The following LRBA variants were observed in gnomAD, a reference collection of about 807,000 sequenced individuals.
The protein encoded by LRBA is LPS responsive beige-like anchor protein, also known as lipopolysaccharide-responsive and beige-like anchor protein.
Under a neutral mutation model 330.0 loss-of-function variants are expected in LRBA, and 176 were observed. The ratio of observed to expected loss-of-function variants is 0.53; its 90% CI spans 0.47 to 0.60. The LOEUF (loss-of-function observed/expected upper bound fraction) is 0.60. LRBA is among the 20% of genes least tolerant of loss of function. LRBA has a pLI of 0.00. For missense variants in LRBA, 3,259 were observed against 3,444.8 expected (o/e 0.95, Z 1.35); for synonymous variants, 1,230 against 1,193.0 (o/e 1.03, Z -0.64).
rs554411521 is a variant in LRBA at position 150,500,284 on chromosome 4, C to T, written c.6331-9249G>A. On this transcript the variant is annotated intron_variant, in intron 40 of 56. Coordinates refer to ENST00000651943, the MANE Select transcript of LRBA (RefSeq NM_001364905.1). ...AAGGTAAAGTTAAAAAAAAAAAAAT[C>T]CCCCCTTGGGCTGGGCGCCGGGGCT... 3.4e-3 allele frequency among the ~76,000 whole-genome samples: 506 copies of T among 150,938 alleles called. 1 individual carries two copies. The highest frequency in any genetic ancestry group is 0.012 in the African/African-American group (482 of 40,944).
At chr4:150,853,413 T>C (rs564558779) in intron 22 of LRBA, among the ~76,000 whole-genome samples, 25 of 152,328 alleles carry the variant, frequency 1.6e-4, no homozygotes, top group African/African-American at 5.5e-4. Flanking sequence ...AGATATCTAT[T>C]AAGCTACAAA....
intron 50 of LRBA, among the ~76,000 whole-genome samples, chr4:150,320,255 T>C (rs1043392685): frequency 1.3e-5 from 2 of 152,178 alleles, no homozygotes; most frequent in African/African-American, 4.8e-5. Context: ...GTGTCCTCAC[T>C]GGCAAAACAT....
chr4:150,615,175 T>C (rs1437661945), intron 37 of LRBA, among the ~76,000 whole-genome samples: 1 of 152,192 alleles, frequency 6.6e-6, no homozygotes, highest in Non-Finnish European at 1.5e-5. Flanking sequence ...GGAGGCCATT[T>C]TGGATACATA....
intron 38 of LRBA, among the ~76,000 whole-genome samples, chr4:150,594,074 A>T (rs910595542): frequency 2.6e-5 from 4 of 152,030 alleles, no homozygotes; most frequent in South Asian, 2.1e-4. Flanking sequence ...CACCCACTTT[A>T]ATTTATTTAT....
intron 49 of LRBA, 97 bp downstream of exon 49, chr4:150,325,712 T>A (rs1733152766): frequency 1.2e-6 from 1 of 831,020 alleles, no homozygotes; most frequent in Non-Finnish European, 2.0e-6. Context: ...CAAACCCACA[T>A]ATGGTGGAGA....
At chr4:150,707,603 C>T (rs1043873946) in intron 36 of LRBA, among the ~76,000 whole-genome samples, 23 of 151,540 alleles carry the variant, frequency 1.5e-4, no homozygotes, top group African/African-American at 5.1e-4. Context: ...TTGAAAACAA[C>T]AAGTTTAATC....
At chr4:150,535,184 A>C (rs1224817546) in intron 40 of LRBA, among the ~76,000 whole-genome samples, 1 of 152,088 alleles carries the variant, frequency 6.6e-6, no homozygotes, top group Admixed American at 6.6e-5. Flanking sequence ...CCCAGGCTAG[A>C]GGGGAGTGGT....
intron 47 of LRBA, among the ~76,000 whole-genome samples, chr4:150,382,060 ACT>A: frequency 6.6e-6 from 1 of 151,618 alleles, no homozygotes; most frequent in South Asian, 2.1e-4. Flanking sequence ...TGCATAGTAG[ACT>A]CTTACCAAAT....
At chr4:150,558,011 T>A (rs13134428) in intron 40 of LRBA, among the ~76,000 whole-genome samples, 68,524 of 151,912 alleles carry the variant, frequency 0.45, 16,017 homozygotes, top group Admixed American at 0.52. Context: ...GATTCTCATG[T>A]CTCAGCACCC....
At chr4:150,661,366 C>T (rs1412095832) in intron 37 of LRBA, among the ~76,000 whole-genome samples, 3 of 148,956 alleles carry the variant, frequency 2.0e-5, no homozygotes, top group African/African-American at 7.4e-5. Flanking sequence ...GAGGCTGAGG[C>T]GGAAGAATTG....
chr4:150,601,840 T>C (rs551248499), intron 37 of LRBA, among the ~76,000 whole-genome samples: 2 of 151,056 alleles, frequency 1.3e-5, no homozygotes, highest in African/African-American at 2.4e-5. Context: ...TACAGGCGCC[T>C]GCCACCATGC....
chr4:150,856,262 T>A (rs1347700100), intron 22 of LRBA, among the ~76,000 whole-genome samples: 1 of 152,148 alleles, frequency 6.6e-6, no homozygotes, highest in Non-Finnish European at 1.5e-5. Context: ...GGTCCACCTC[T>A]CCTGAGTGAA....
At chr4:150,838,995 G>A (rs1321859024) in intron 28 of LRBA, among the ~76,000 whole-genome samples, 1 of 152,086 alleles carries the variant, frequency 6.6e-6, no homozygotes, top group African/African-American at 2.4e-5. Context: ...CTACTCATCT[G>A]ACAAAGGGCT....
At chr4:150,344,556 T>C (rs1736018333) in intron 48 of LRBA, among the ~76,000 whole-genome samples, 1 of 152,200 alleles carries the variant, frequency 6.6e-6, no homozygotes, top group South Asian at 2.1e-4. Flanking sequence ...TGCCTTATGA[T>C]GCAGTTAAAA....
rs182347594 is a variant in LRBA at position 150,352,619 on chromosome 4, G to A, written c.7195-2460C>T. The stretch of plus-strand genomic sequence containing the variant: ...TCATATTTTACTTGAAATAAGAAGA[G>A]AGGAGCTTGTGATAACTTTAAGTAA... On this transcript the variant is annotated intron_variant, in intron 47 of 56. Transcript: ENST00000651943. 1.4e-3 allele frequency among the ~76,000 whole-genome samples: 220 copies of A among 152,266 alleles called. 2 individuals are homozygous for A. Among genetic ancestry groups the A allele is most frequent in the African/African-American group, 5.1e-3 (210 of 41,558 alleles).
chr4:150,898,616 T>A (rs1730369939), intron 14 of LRBA, among the ~76,000 whole-genome samples: 1 of 149,968 alleles, frequency 6.7e-6, no homozygotes, highest in Non-Finnish European at 1.5e-5. Flanking sequence ...AAGAAAATTG[T>A]TTAAAATTTG....
Position 150,415,424 on chromosome 4 carries a change from G to T in LRBA, c.7194+14C>A. ...AAAGCTCATGACAGACAGAGTAGATGATTATTATCTTACCAATCTGTTTAT... is the reference window on the plus strand; with the variant it reads ...AAAGCTCATGACAGACAGAGTAGATTATTATTATCTTACCAATCTGTTTAT... On this transcript the variant is annotated intron_variant, in intron 47 of 56. Coordinates refer to ENST00000651943, the MANE Select transcript of LRBA (RefSeq NM_001364905.1). 6.2e-7 allele frequency: 1 copy of T among 1,610,930 alleles called. No homozygotes were observed. The highest frequency in any genetic ancestry group is 8.5e-7 in the Non-Finnish European group (1 of 1,178,482).
At chr4:150,897,887 C>A (rs1033728019) in intron 14 of LRBA, 69 bp from the exon 15 acceptor site, 3 of 1,040,734 alleles carry the variant, frequency 2.9e-6, no homozygotes, top group Non-Finnish European at 3.0e-6. Flanking sequence ...GTATAAAATT[C>A]TCATTCCCAA....
At chr4:150,968,309 C>G (rs1739139142) in intron 2 of LRBA, among the ~76,000 whole-genome samples, 1 of 152,186 alleles carries the variant, frequency 6.6e-6, no homozygotes, top group African/African-American at 2.4e-5. Flanking sequence ...GGCCGCACAT[C>G]TCTCATTTTA....
Sources: gnomAD v4.1 joint callset for allele counts (sites outside exome capture counted in the v4.1 genomes callset) on GRCh38, gnomAD v4.1.1 for gene constraint, MANE v1.5 for transcripts, NCBI Gene and HGNC (gene_info 2026-07-23, HGNC 2026-07-21) for gene names.